FAM83B: variants seen among roughly 807,000 people sequenced by gnomAD.
The protein encoded by FAM83B is scaffolding CK1 anchoring protein B.
A neutral mutation model predicts 38.8 loss-of-function variants in FAM83B; 26 were observed. That is an observed-to-expected ratio of 0.67 (90% CI 0.49 to 0.93). FAM83B has a LOEUF of 0.93. Ranked by LOEUF, FAM83B falls within the 40% of genes least tolerant of loss-of-function variation. The probability of loss-of-function intolerance (pLI) is 0.00; values close to 1 mark genes in which losing one functional copy is unlikely to be tolerated. For synonymous variants in FAM83B, 419 were observed against 423.1 expected, an observed-to-expected ratio of 0.99 and a Z score of 0.12; for missense variants, 1,237 against 1,197.3, an observed-to-expected ratio of 1.03 and a Z score of -0.49.
rs112713090 is a variant in FAM83B, at chr6:54,934,716, G to C, written c.735-4990G>C. 3.1e-3 allele frequency among the ~76,000 whole-genome samples: 468 copies of C among 152,188 alleles called. 4 individuals are homozygous for C. Among genetic ancestry groups the C allele is most frequent in the African/African-American group, 0.01 (434 of 41,542 alleles). ...GAAGTAAACCTTAGATTCCTGAAAG[G>C]GATAGGAAGGAGTGCTTCATGGGAA... On this transcript the variant is annotated intron_variant, in intron 4 of 4. Transcript: ENST00000306858.
intron 1 of FAM83B, among the ~76,000 whole-genome samples, chr6:54,866,657 C>T (rs1376590430): frequency 6.6e-6 from 1 of 151,994 alleles, no homozygotes; most frequent in African/African-American, 2.4e-5. Flanking sequence ...TATGGGTGTA[C>T]CATAGTTTAA....
At position 54,939,924 on chromosome 6, in the gene FAM83B, G is replaced by C; in HGVS notation, c.953G>C (p.Ser318Thr). 2 of 1,614,036 alleles carry C rather than the reference G, an allele frequency of 1.2e-6. No homozygotes were observed. Among genetic ancestry groups the C allele is most frequent in the Non-Finnish European group, 1.7e-6 (2 of 1,179,978 alleles). ...GTGTCTTCATTAGCATCTGTTTCCA[G>C]CCAGAGAAACCTTTTTGGTAGACAA... Reference protein sequence around the residue: ...HSVSSLASVSSQRNLFGRQDK... With the variant: ...HSVSSLASVSTQRNLFGRQDK... The change falls in exon 5 of 5, where the codon AGC becomes ACC. Residue 318 changes from serine to threonine, a missense_variant. Coordinates refer to ENST00000306858, the MANE Select transcript of FAM83B (RefSeq NM_001010872.3).
chr6:54,862,266 A>G (rs961470973), intron 1 of FAM83B, among the ~76,000 whole-genome samples: 1 of 152,194 alleles, frequency 6.6e-6, no homozygotes, highest in African/African-American at 2.4e-5. Flanking sequence ...CTATAGATCT[A>G]TTCAGATTAT....
intron 2 of FAM83B, among the ~76,000 whole-genome samples, chr6:54,916,938 C>A (rs1378798924): frequency 6.6e-6 from 1 of 152,188 alleles, no homozygotes; most frequent in Admixed American, 6.5e-5. Flanking sequence ...CCAGTGCTTT[C>A]ATTTGTTGAC....
At chr6:54,931,071 A>G (rs1773409934) in intron 4 of FAM83B, among the ~76,000 whole-genome samples, 1 of 152,108 alleles carries the variant, frequency 6.6e-6, no homozygotes, top group African/African-American at 2.4e-5. Flanking sequence ...GGCTACTCAA[A>G]ACTGTGTTGT....
chr6:54,944,879 C>T lies in FAM83B; in HGVS notation c.*2872C>T, dbSNP rs1020376738. 2 of 152,058 alleles carry T rather than the reference C, an allele frequency of 1.3e-5. No individual in the cohort carries two copies. Among genetic ancestry groups the T allele is most frequent in the Non-Finnish European group, 2.9e-5 (2 of 68,004 alleles). The allele number at this position is 152,058 out of a possible 1,614,324, so 9.4% of individuals were successfully genotyped here. On this transcript the variant is annotated 3_prime_UTR_variant, in exon 5 of 5. Transcript: ENST00000306858. ...TAAAACAAAAGGATAAAATGATAAA[C>T]CAAAGAGTCAACTTGTTAACTTTTC...
chr6:54,915,836 A>AAAAAAAAAAAC, intron 2 of FAM83B, among the ~76,000 whole-genome samples: 2 of 89,910 alleles, frequency 2.2e-5, no homozygotes, highest in Admixed American at 9.4e-5. Flanking sequence ...AAAAAAAAAA[A>AAAAAAAAAAAC]AGAAACTCAC....
chr6:54,913,952 A>G (rs1772976419), intron 2 of FAM83B, among the ~76,000 whole-genome samples: 1 of 152,122 alleles, frequency 6.6e-6, no homozygotes, highest in African/African-American at 2.4e-5. Context: ...TCAAACCTAA[A>G]GAATAAAAAT....
At chr6:54,879,126 G>A (rs1309159991) in intron 2 of FAM83B, among the ~76,000 whole-genome samples, 7 of 152,186 alleles carry the variant, frequency 4.6e-5, no homozygotes, top group African/African-American at 1.7e-4. Flanking sequence ...CTTCACCATA[G>A]CCTTTGGATG....
chr6:54,865,143 G>T (rs1771669399), intron 1 of FAM83B, among the ~76,000 whole-genome samples: 1 of 152,236 alleles, frequency 6.6e-6, no homozygotes, highest in Non-Finnish European at 1.5e-5. Context: ...AAAAATATTG[G>T]CTTAAAACAG....
At chr6:54,898,574 C>T (rs1164286888) in intron 2 of FAM83B, among the ~76,000 whole-genome samples, 1 of 152,206 alleles carries the variant, frequency 6.6e-6, no homozygotes, top group African/African-American at 2.4e-5. Context: ...CCCAACTGAA[C>T]TCCTTATCTC....
chr6:54,929,595 G>A (rs1366835087), intron 4 of FAM83B, among the ~76,000 whole-genome samples: 2 of 152,008 alleles, frequency 1.3e-5, no homozygotes, highest in African/African-American at 4.8e-5. Context: ...AATCTCATGA[G>A]CTCAATGAAA....
chr6:54,857,121 C>A (rs1450032811), intron 1 of FAM83B, among the ~76,000 whole-genome samples: 1 of 152,124 alleles, frequency 6.6e-6, no homozygotes, highest in Non-Finnish European at 1.5e-5. Flanking sequence ...TTTCTTAAGA[C>A]ATTTTATTTA....
intron 2 of FAM83B, among the ~76,000 whole-genome samples, chr6:54,920,212 G>T (rs1249607680): frequency 6.6e-6 from 1 of 151,568 alleles, no homozygotes; most frequent in Non-Finnish European, 1.5e-5. Flanking sequence ...TTTTGACAGG[G>T]TTTACAGACT....
chr6:54,934,057 G>A (rs768246754), intron 4 of FAM83B, among the ~76,000 whole-genome samples: 21 of 152,152 alleles, frequency 1.4e-4, no homozygotes, highest in Non-Finnish European at 2.9e-4. Context: ...TTGGTCGCTA[G>A]CATTTCACAG....
chr6:54,929,992 T>A (rs956149756), intron 4 of FAM83B, among the ~76,000 whole-genome samples: 2 of 152,146 alleles, frequency 1.3e-5, no homozygotes, highest in Admixed American at 6.6e-5. Context: ...TGATATTTAT[T>A]TCATCCCTTA....
chr6:54,923,283 A>T (rs1342976588), intron 2 of FAM83B, among the ~76,000 whole-genome samples: 1 of 152,116 alleles, frequency 6.6e-6, no homozygotes, highest in Non-Finnish European at 1.5e-5. Flanking sequence ...CATTTATCCT[A>T]CCTTCATTTC....
At chr6:54,900,726 T>G (rs949181470) in intron 2 of FAM83B, among the ~76,000 whole-genome samples, 8 of 152,150 alleles carry the variant, frequency 5.3e-5, no homozygotes, top group African/African-American at 1.9e-4. Flanking sequence ...GAGGGCTGAA[T>G]TGACTCTATA....
intron 2 of FAM83B, among the ~76,000 whole-genome samples, chr6:54,885,279 A>C (rs1772248297): frequency 6.6e-6 from 1 of 152,080 alleles, no homozygotes; most frequent in South Asian, 2.1e-4. Context: ...ATATTCCTCT[A>C]TTAAGTTATG....
Sources: allele counts gnomAD v4.1 joint callset (sites outside exome capture counted in the v4.1 genomes callset), GRCh38; gene constraint gnomAD v4.1.1; transcripts MANE v1.5; gene names NCBI Gene and HGNC (gene_info 2026-07-23, HGNC 2026-07-21).